ADGRB3: variants seen among roughly 807,000 people sequenced by gnomAD.
ADGRB3 encodes the protein adhesion G protein-coupled receptor B3.
In ADGRB3, 37 loss-of-function variants were observed where a neutral mutation model predicts 193.4. That is an observed-to-expected ratio of 0.19 (90% CI 0.15 to 0.25). The LOEUF (loss-of-function observed/expected upper bound fraction) is 0.25. Among genes scored for constraint, ADGRB3 ranks in the 10% least tolerant of loss-of-function variants. The probability of loss-of-function intolerance (pLI) is 1.00; values close to 1 mark genes in which losing one functional copy is unlikely to be tolerated. For synonymous variants in ADGRB3, 690 were observed against 644.2 expected, an observed-to-expected ratio of 1.07 and a Z score of -1.08; for missense variants, 1,637 against 1,852.9, an observed-to-expected ratio of 0.88 and a Z score of 2.14.
At chr6:69,183,560 C>A (rs1764992906) in intron 17 of ADGRB3, among the ~76,000 whole-genome samples, 1 of 152,144 alleles carries the variant, frequency 6.6e-6, no homozygotes, top group East Asian at 1.9e-4. Flanking sequence ...TACCAAAGTA[C>A]TTATAAAGCA....
chr6:68,989,978 G>T (rs1391377565), intron 10 of ADGRB3, among the ~76,000 whole-genome samples: 1 of 151,990 alleles, frequency 6.6e-6, no homozygotes, highest in Non-Finnish European at 1.5e-5. Context: ...TTGAAGAAGG[G>T]ATTGGATGGG....
chr6:69,372,459 A>G lies in ADGRB3; in HGVS notation c.4275+18A>G. ...ACTTTGAGGTAAGTTTATATGAATT[A>G]TTTTAGAATTGTAATTACTTGAATT... On this transcript the variant is annotated intron_variant, in intron 30 of 31. Coordinates refer to ENST00000370598, the MANE Select transcript of ADGRB3 (RefSeq NM_001704.3). 7.8e-7 allele frequency: 1 copy of G among 1,277,262 alleles called. No homozygotes were observed. The highest frequency in any genetic ancestry group is 1.5e-5 in the African/African-American group (1 of 65,570). 79.1% of individuals were successfully genotyped at this position (1,277,262 alleles called of 1,614,324 possible). A position where few individuals can be genotyped will look rare whatever the true frequency, so the allele number is the denominator to read the frequency against.
intron 3 of ADGRB3, among the ~76,000 whole-genome samples, chr6:68,884,647 T>G (rs1046946794): frequency 9.9e-5 from 15 of 151,952 alleles, no homozygotes; most frequent in African/African-American, 3.6e-4. Flanking sequence ...AGTAGGGGCT[T>G]TTATCCTAGA....
At position 69,050,092 on chromosome 6, in the gene ADGRB3, G is replaced by C. The variant is rs62416778; in HGVS notation, c.2333+746G>C. Among the ~76,000 whole-genome samples the C allele has an allele frequency of 3.1e-3, 477 of 152,190 alleles. 2 individuals carry two copies. The highest frequency in any genetic ancestry group is 6.8e-3 in the Middle Eastern group (2 of 294). On this transcript the variant is annotated intron_variant, in intron 15 of 31. Transcript: ENST00000370598. ...GTTTTAGTTAAATACGATCACAGTT[G>C]GACTTCTTTGTTATACCCTCATAAA...
intron 20 of ADGRB3, among the ~76,000 whole-genome samples, chr6:69,276,893 A>C (rs1394738190): frequency 6.6e-6 from 1 of 152,026 alleles, no homozygotes; most frequent in Admixed American, 6.6e-5. Context: ...AACTCATCAA[A>C]TTGTATACAT....
At chr6:68,769,982 C>A (rs1766584520) in intron 3 of ADGRB3, among the ~76,000 whole-genome samples, 2 of 152,088 alleles carry the variant, frequency 1.3e-5, no homozygotes. Context: ...CATGGCATGG[C>A]ATATTGTTAT....
intron 17 of ADGRB3, among the ~76,000 whole-genome samples, chr6:69,223,629 T>G (rs1765945262): frequency 6.6e-6 from 1 of 151,062 alleles, no homozygotes; most frequent in Non-Finnish European, 1.5e-5. Context: ...TTTTACATAA[T>G]TTTTTTGAAT....
intron 17 of ADGRB3, among the ~76,000 whole-genome samples, chr6:69,223,970 T>A (rs1765954467): frequency 6.6e-6 from 1 of 151,880 alleles, no homozygotes; most frequent in African/African-American, 2.4e-5. Context: ...TTCTTTTGAA[T>A]CTCAAAAGAA....
intron 13 of ADGRB3, among the ~76,000 whole-genome samples, chr6:69,036,309 T>C (rs537284626): frequency 6.6e-6 from 1 of 152,172 alleles, no homozygotes; most frequent in African/African-American, 2.4e-5. Context: ...TTACAGATGG[T>C]CAAAGTGAAC....
At chr6:68,717,997 C>A (rs1765514684) in intron 3 of ADGRB3, among the ~76,000 whole-genome samples, 1 of 151,726 alleles carries the variant, frequency 6.6e-6, no homozygotes, top group South Asian at 2.1e-4. Context: ...GGAGGAACTT[C>A]TTGAAATCAT....
intron 31 of ADGRB3, among the ~76,000 whole-genome samples, chr6:69,386,523 C>T (rs1019614282): frequency 3.9e-5 from 6 of 152,080 alleles, no homozygotes; most frequent in African/African-American, 1.2e-4. Flanking sequence ...TGCCCCTAAA[C>T]GTTCAACATC....
chr6:68,753,337 A>T (rs564071686), intron 3 of ADGRB3, among the ~76,000 whole-genome samples: 66 of 152,308 alleles, frequency 4.3e-4, no homozygotes, highest in African/African-American at 1.6e-3. Flanking sequence ...GGAAAAGAGG[A>T]AATTATCTAA....
At chr6:69,206,063 A>ATATACCAT (rs1765533440) in intron 17 of ADGRB3, among the ~76,000 whole-genome samples, 1 of 143,126 alleles carries the variant, frequency 7.0e-6, no homozygotes, top group African/African-American at 2.5e-5. Context: ...ATATATATAT[A>ATATACCAT]TATATATATA....
chr6:69,119,800 T>C (rs1582475136), intron 17 of ADGRB3, among the ~76,000 whole-genome samples: 1 of 152,188 alleles, frequency 6.6e-6, no homozygotes, highest in African/African-American at 2.4e-5. Context: ...TACAAAAACT[T>C]GGAAATGGGC....
At chr6:69,170,480 T>C (rs1203426217) in intron 17 of ADGRB3, among the ~76,000 whole-genome samples, 2 of 152,178 alleles carry the variant, frequency 1.3e-5, no homozygotes, top group African/African-American at 4.8e-5. Context: ...TTTTTGTTTT[T>C]CACAGCAGCA....
chr6:68,943,126 AG>A (rs1427825915), intron 5 of ADGRB3, among the ~76,000 whole-genome samples: 7 of 152,304 alleles, frequency 4.6e-5, no homozygotes, highest in African/African-American at 1.7e-4. Flanking sequence ...TCAAGTTGTT[AG>A]AGGAGGAAAA....
chr6:69,140,064 GA>G (rs560952253), intron 17 of ADGRB3, among the ~76,000 whole-genome samples: 2 of 151,888 alleles, frequency 1.3e-5, no homozygotes, highest in African/African-American at 2.4e-5. Context: ...ATTCCATTTA[GA>G]AAAAAAATCT....
At chr6:69,243,446 C>G (rs1188202916) in intron 20 of ADGRB3, among the ~76,000 whole-genome samples, 1 of 151,838 alleles carries the variant, frequency 6.6e-6, no homozygotes, top group South Asian at 2.1e-4. Context: ...AGTCAGAAAT[C>G]CTCCTAATCC....
At chr6:68,758,154 C>A (rs1002007267) in intron 3 of ADGRB3, among the ~76,000 whole-genome samples, 6 of 152,012 alleles carry the variant, frequency 3.9e-5, no homozygotes, top group Non-Finnish European at 7.4e-5. Flanking sequence ...ACAAATTCTC[C>A]TCACAAATTT....
Sources: allele counts gnomAD v4.1 joint callset (sites outside exome capture counted in the v4.1 genomes callset), GRCh38; gene constraint gnomAD v4.1.1; transcripts MANE v1.5; gene names NCBI Gene and HGNC (gene_info 2026-07-23, HGNC 2026-07-21).